Variants in ZNF536 observed in about 807,000 individuals in gnomAD.
The protein encoded by ZNF536 is zinc finger protein 536.
A neutral mutation model predicts 84.5 loss-of-function variants in ZNF536; 13 were observed. That is an observed-to-expected ratio of 0.15 (90% CI 0.10 to 0.24). ZNF536 has a LOEUF of 0.24. Ranked by LOEUF, ZNF536 falls within the 10% of genes least tolerant of loss-of-function variation. ZNF536 has a pLI of 1.00. For synonymous variants in ZNF536, 811 were observed against 742.5 expected (o/e 1.09, Z -1.50); for missense variants, 1,536 against 1,747.5 (o/e 0.88, Z 2.16).
intron 1 of ZNF536, among the ~76,000 whole-genome samples, chr19:30,416,541 A>C (rs1271784448): frequency 6.6e-6 from 1 of 151,974 alleles, no homozygotes; most frequent in Non-Finnish European, 1.5e-5. Context: ...TCACGTTAGG[A>C]TGTGCAGTGT....
At chr19:30,334,070 G>A (rs760275032) in intron 2 of ZNF536, among the ~76,000 whole-genome samples, 9 of 152,184 alleles carry the variant, frequency 5.9e-5, no homozygotes, top group Non-Finnish European at 1.3e-4. Context: ...TGATTGACAT[G>A]ATTGGTGACA....
At chr19:30,610,344 G>T (rs1276036070) in intron 1 of ZNF536, among the ~76,000 whole-genome samples, 1 of 152,176 alleles carries the variant, frequency 6.6e-6, no homozygotes. Flanking sequence ...CAAGAGGCTG[G>T]GAGAGCTGAT....
At chr19:30,483,743 C>A (rs1418067464) in intron 2 of ZNF536, among the ~76,000 whole-genome samples, 2 of 152,128 alleles carry the variant, frequency 1.3e-5, no homozygotes, top group Non-Finnish European at 2.9e-5. Context: ...TAAAAGCCAA[C>A]CTGATCATGT....
At chr19:30,277,839 C>T (rs1181290959) in intron 1 of ZNF536, among the ~76,000 whole-genome samples, 1 of 152,194 alleles carries the variant, frequency 6.6e-6, no homozygotes, top group Non-Finnish European at 1.5e-5. Flanking sequence ...AATAACAGCT[C>T]AGGCACCTGC....
intron 1 of ZNF536, among the ~76,000 whole-genome samples, chr19:30,651,068 T>C (rs1362901934): frequency 6.6e-6 from 1 of 152,198 alleles, no homozygotes; most frequent in African/African-American, 2.4e-5. Flanking sequence ...GACATCTGTT[T>C]GCTGAGAAAG....
chr19:30,513,679 T>C (rs2055513358), intron 2 of ZNF536, among the ~76,000 whole-genome samples: 1 of 151,972 alleles, frequency 6.6e-6, no homozygotes, highest in African/African-American at 2.4e-5. Context: ...GGTCCTCCAC[T>C]CTAGACTAGA....
At chr19:30,549,890 T>C (rs531346398) in intron 4 of ZNF536, among the ~76,000 whole-genome samples, 2 of 152,350 alleles carry the variant, frequency 1.3e-5, no homozygotes, top group Middle Eastern at 3.4e-3. Context: ...GTATTTTCAA[T>C]TTATGCAAAA....
intron 1 of ZNF536, among the ~76,000 whole-genome samples, chr19:30,251,957 A>G (rs1599891142): frequency 6.6e-6 from 1 of 152,152 alleles, no homozygotes; most frequent in Non-Finnish European, 1.5e-5. Context: ...ACATATATAT[A>G]TATAGAAAAG....
intron 1 of ZNF536, among the ~76,000 whole-genome samples, chr19:30,235,137 C>A (rs867953194): frequency 1.3e-5 from 2 of 152,168 alleles, no homozygotes; most frequent in Non-Finnish European, 2.9e-5. Context: ...ACATTACACA[C>A]CCCGGGTGCA....
chr19:30,254,681 G>A lies in ZNF536; in HGVS notation c.-190+26008G>A, dbSNP rs369946007. 3.2e-4 allele frequency among the ~76,000 whole-genome samples: 49 copies of A among 152,200 alleles called. 1 individual carries two copies. The highest frequency in any genetic ancestry group is 1.1e-3 in the African/African-American group (46 of 41,530). On this transcript the variant is annotated intron_variant, in intron 1 of 5. Transcript: ENST00000585628. ...CATTTGTTTTAGCTAACTAGGAGTC[G>A]GTAGTCCAACTGTGCAGAGATTGGG...
chr19:30,236,447 T>C (rs1459084530), intron 1 of ZNF536, among the ~76,000 whole-genome samples: 1 of 147,988 alleles, frequency 6.8e-6, no homozygotes, highest in Non-Finnish European at 1.5e-5. Context: ...ACCCCACCCA[T>C]TTCCTTCTTT....
chr19:30,296,985 A>G (rs770963079), intron 2 of ZNF536, among the ~76,000 whole-genome samples: 2 of 152,138 alleles, frequency 1.3e-5, no homozygotes, highest in African/African-American at 2.4e-5. Flanking sequence ...TCCAGAAGAA[A>G]AGCTTCCTAT....
rs2055326528 is a variant in ZNF536 at position 30,509,571 on chromosome 19, C to T, written c.2171-25276C>T. On this transcript the variant is annotated intron_variant, in intron 2 of 4. Transcript: ENST00000355537. ...ATAATTTTACTGTGTATATTTAAGG[C>T]ACACAACATGACATTATGGGACATA... Among the ~76,000 whole-genome samples, 3 of 150,724 alleles carry T rather than the reference C, an allele frequency of 2.0e-5. No homozygotes were observed. In the South Asian group the frequency reaches 6.3e-4, roughly 31 times the overall value.
chr19:30,567,249 T>A (rs1293349706), intron 1 of ZNF536, among the ~76,000 whole-genome samples: 1 of 152,240 alleles, frequency 6.6e-6, no homozygotes, highest in Non-Finnish European at 1.5e-5. Flanking sequence ...GATTCTGCGA[T>A]TTGGCGATCC....
Position 30,541,129 on chromosome 19 carries a change from G to A in ZNF536, c.2323+6130G>A, listed in dbSNP as rs75387865. Among the ~76,000 whole-genome samples the A allele has an allele frequency of 2.6e-5, 4 of 152,320 alleles. No individual in the cohort carries two copies. In the East Asian group the frequency reaches 5.8e-4, roughly 22 times the overall value. On this transcript the variant is annotated intron_variant, in intron 3 of 4. Transcript: ENST00000355537. ...ACCTTTCATCTTCAAAGTGCTTCCC[G>A]AGCAGTGGCTGGTACATAAACATGG...
At chr19:30,696,233 G>C (rs2051652267) in intron 1 of ZNF536, among the ~76,000 whole-genome samples, 1 of 152,148 alleles carries the variant, frequency 6.6e-6, no homozygotes, top group African/African-American at 2.4e-5. Context: ...CCCCCGCAAT[G>C]TTGGAGAGAG....
At chr19:30,569,088 C>CCA in intron 1 of ZNF536, among the ~76,000 whole-genome samples, 1 of 152,322 alleles carries the variant, frequency 6.6e-6, no homozygotes, top group East Asian at 1.9e-4. Flanking sequence ...AGAGGACACA[C>CCA]CACATATCCA....
Position 30,445,526 on chromosome 19 carries a change from G to C in ZNF536, c.1964G>C (p.Arg655Pro), listed in dbSNP as rs1449896480. The C allele has an allele frequency of 6.2e-7, 1 of 1,613,892 alleles. No individual in the cohort carries two copies. The highest frequency in any genetic ancestry group is 1.1e-5 in the South Asian group (1 of 91,054). ...QVVVHSRVHK[R>P]DRKGEEDGLH... is the part of the protein sequence containing the mutation. Reference sequence around the variant, plus strand: ...GTCGTGCACTCCCGTGTCCACAAGCGGGACCGCAAGGGCGAGGAGGATGGG... The same window carrying C: ...GTCGTGCACTCCCGTGTCCACAAGCCGGACCGCAAGGGCGAGGAGGATGGG... The change falls in exon 2 of 5, where the codon CGG becomes CCG. Residue 655 changes from arginine to proline, a missense_variant. Around this residue, in one of 8 missense-constraint regions of ZNF536, gnomAD observed 366 missense variants for 364.4 expected, o/e 1.00. Coordinates refer to ENST00000355537, the MANE Select transcript of ZNF536 (RefSeq NM_014717.3). The surrounding 1 kb of genome is among the most constrained non-coding windows in gnomAD (Gnocchi z 4.5).
chr19:30,384,161 T>TTTCTTTCTTTCTTTCTTTCG (rs1221612484), intron 1 of ZNF536, among the ~76,000 whole-genome samples: 2 of 115,128 alleles, frequency 1.7e-5, no homozygotes, highest in African/African-American at 7.1e-5. Context: ...TCTTTCTTTC[T>TTTCTTTCTTTCTTTCTTTCG]TTCGTTTCCT....
Sources: gnomAD v4.1 joint callset for allele counts (sites outside exome capture counted in the v4.1 genomes callset) on GRCh38, gnomAD v4.1.1 for gene constraint, gnomAD v4.1.1 regional missense constraint, Gnocchi (gnomAD v3.1) non-coding constraint, MANE v1.5 for transcripts, NCBI Gene and HGNC (gene_info 2026-07-23, HGNC 2026-07-21) for gene names.